Variants in LEF1 observed in about 807,000 individuals in gnomAD.
LEF1 encodes lymphoid enhancer binding factor 1, also known as lymphoid enhancer-binding factor 1.
LEF1 carries 14 observed loss-of-function variants against 51.2 expected under a neutral mutation model. That is an observed-to-expected ratio of 0.27 (90% CI 0.18 to 0.43). The LOEUF is 0.43. LEF1 is among the 20% of genes least tolerant of loss of function. The pLI is 1.00. For missense variants in LEF1, 386 were observed against 512.0 expected (o/e 0.75, Z 2.37); for synonymous variants, 185 against 183.2 (o/e 1.01, Z -0.08).
In LEF1 at chr4:108,048,715, T is replaced by C. The variant is rs1736780830; in HGVS notation, c.*43A>G. The C allele has an allele frequency of 6.2e-7, 1 of 1,610,094 alleles. No individual in the cohort carries two copies. Among genetic ancestry groups the C allele is most frequent in the Non-Finnish European group, 8.5e-7 (1 of 1,177,956 alleles). On this transcript the variant is annotated 3_prime_UTR_variant, in exon 12 of 12. Coordinates refer to ENST00000265165, the MANE Select transcript of LEF1 (RefSeq NM_016269.5). ...CAGAAGAGGTCCTGGGGTCGCTGCCTTGGCTTTGCACGTTGGGAATGAGCT... is the reference window on the plus strand; with the variant it reads ...CAGAAGAGGTCCTGGGGTCGCTGCCCTGGCTTTGCACGTTGGGAATGAGCT...
intron 3 of LEF1, among the ~76,000 whole-genome samples, chr4:108,157,175 TATATACACACACAC>T (rs1474139153): frequency 3.5e-5 from 2 of 57,468 alleles, no homozygotes; most frequent in African/African-American, 5.5e-5. Context: ...TCTCTATATA[TATATACACACACAC>T]ACACACACAC....
chr4:108,104,332 T>C (rs550039709), intron 3 of LEF1, among the ~76,000 whole-genome samples: 2 of 151,524 alleles, frequency 1.3e-5, no homozygotes, highest in South Asian at 2.1e-4. Context: ...GTGATAGTTG[T>C]ACAACATAGT....
chr4:108,082,492 T>C (rs1739374108), intron 5 of LEF1, among the ~76,000 whole-genome samples: 1 of 152,068 alleles, frequency 6.6e-6, no homozygotes, highest in Non-Finnish European at 1.5e-5. Flanking sequence ...AGAAGGATAA[T>C]GCAAGGATGT....
rs191100995 is a variant in LEF1, at chr4:108,113,063, C to T, written c.415-23806G>A. On this transcript the variant is annotated intron_variant, in intron 3 of 11. Transcript: ENST00000265165. Reference sequence around the variant, plus strand: ...CATCTCTGAGCTGTGGAATGCTATCCGAGGTGAGATGTTCTTATAGTGAAA... The same window carrying T: ...CATCTCTGAGCTGTGGAATGCTATCTGAGGTGAGATGTTCTTATAGTGAAA... 2.5e-4 allele frequency among the ~76,000 whole-genome samples: 38 copies of T among 152,236 alleles called. No homozygotes were observed. In the East Asian group the frequency reaches 6.2e-3, roughly 25 times the overall value.
intron 3 of LEF1, among the ~76,000 whole-genome samples, chr4:108,126,854 C>G: frequency 7.9e-6 from 1 of 126,048 alleles, no homozygotes; most frequent in Non-Finnish European, 1.7e-5. Context: ...TTCATTTACT[C>G]TATTATTTAC....
At chr4:108,132,205 T>C (rs1186312402) in intron 3 of LEF1, among the ~76,000 whole-genome samples, 1 of 152,212 alleles carries the variant, frequency 6.6e-6, no homozygotes, top group South Asian at 2.1e-4. Context: ...CTTGTTAGTA[T>C]TGTATTCCCA....
chr4:108,166,311 T>C lies in LEF1; in HGVS notation c.214-1148A>G, dbSNP rs1190304319. 5 of 1,532,480 alleles carry C rather than the reference T, an allele frequency of 3.3e-6. No homozygotes were observed. The African/African-American group carries it at 6.9e-5, about 21-fold the overall frequency. 94.9% of individuals were successfully genotyped at this position (1,532,480 alleles called of 1,614,324 possible). On this transcript the variant is annotated intron_variant, in intron 1 of 11. Coordinates refer to ENST00000265165, the MANE Select transcript of LEF1 (RefSeq NM_016269.5). ...TAGAGAAGGCAGATCTGAGGTGTTC[T>C]TAAACGCGCTGTTTAAAACCCAAAA... is the stretch of plus-strand genomic sequence containing the variant.
chr4:108,148,542 T>A (rs1463342612), intron 3 of LEF1, among the ~76,000 whole-genome samples: 1 of 152,230 alleles, frequency 6.6e-6, no homozygotes, highest in Non-Finnish European at 1.5e-5. Flanking sequence ...TGCCTCACTC[T>A]GCTCAGCTGT....
At chr4:108,051,412 A>T (rs973430472) in intron 11 of LEF1, among the ~76,000 whole-genome samples, 1 of 152,198 alleles carries the variant, frequency 6.6e-6, no homozygotes, top group Non-Finnish European at 1.5e-5. Context: ...TACAGATATA[A>T]AACAGGTCCA....
In LEF1 at chr4:108,167,851, G is replaced by A. The variant is rs1745515556; in HGVS notation, c.-84C>T. On this transcript the variant is annotated 5_prime_UTR_variant, in exon 1 of 12. Coordinates refer to ENST00000265165, the MANE Select transcript of LEF1 (RefSeq NM_016269.5). The surrounding 1 kb of genome is among the most constrained non-coding windows in gnomAD (Gnocchi z 5.7). ...ACAGAGGGGTAACTCAAGGGTGGGG[G>A]AGGAAAGGAGAGTTGGAAGGGTTCG... The A allele has an allele frequency of 6.6e-6, 8 of 1,217,968 alleles. No homozygotes were observed. The South Asian group carries it at 9.3e-5, about 14-fold the overall frequency. The allele number at this position is 1,217,968 out of a possible 1,614,324, so 75.4% of individuals were successfully genotyped here.
At chr4:108,128,406 T>TA (rs757717343) in intron 3 of LEF1, among the ~76,000 whole-genome samples, 37 of 151,814 alleles carry the variant, frequency 2.4e-4, no homozygotes, top group Admixed American at 1.4e-3. Flanking sequence ...TATTTATCAT[T>TA]AAAAAAACTT....
intron 11 of LEF1, among the ~76,000 whole-genome samples, chr4:108,055,105 T>C (rs1737234464): frequency 6.6e-6 from 1 of 152,198 alleles, no homozygotes; most frequent in African/African-American, 2.4e-5. Context: ...AAATAGCACA[T>C]TTTAGCCTTT....
chr4:108,070,573 A>T (rs1204048236), intron 9 of LEF1, 90 bp downstream of exon 9: 1 of 794,766 alleles, frequency 1.3e-6, no homozygotes, highest in Non-Finnish European at 2.1e-6. Context: ...TAGTACCAGC[A>T]TTATATACAC....
Position 108,070,711 on chromosome 4 carries a change from T to C in LEF1, c.1068A>G (p.Arg356=), listed in dbSNP as rs766916120. The C allele has an allele frequency of 6.2e-6, 10 of 1,614,136 alleles. No individual in the cohort carries two copies. Among genetic ancestry groups the C allele is most frequent in the Admixed American group, 1.7e-5 (1 of 60,028 alleles). Reference sequence around the variant, plus strand: ...CTGGATAAAGCTGCATATGTAGCTGTCTTTCTTTCCGTGCTAATTCATAAT... The same window carrying C: ...CTGGATAAAGCTGCATATGTAGCTGCCTTTCTTTCCGTGCTAATTCATAAT... ...AKYYELARKE[R]QLHMQLYPGW... Residue 356 remains arginine (R), a synonymous_variant, in exon 9 of 12, where the codon AGA becomes AGG. Coordinates refer to ENST00000265165, the MANE Select transcript of LEF1 (RefSeq NM_016269.5).
At chr4:108,131,832 G>A (rs1742918355) in intron 3 of LEF1, among the ~76,000 whole-genome samples, 1 of 152,136 alleles carries the variant, frequency 6.6e-6, no homozygotes, top group Non-Finnish European at 1.5e-5. Context: ...AAACTAAGGT[G>A]CGTTGTATAG....
chr4:108,158,005 T>A (rs1239680619), intron 3 of LEF1, among the ~76,000 whole-genome samples: 1 of 152,082 alleles, frequency 6.6e-6, no homozygotes, highest in Non-Finnish European at 1.5e-5. Context: ...TCTGCTCAAC[T>A]CCCCGCTCTT....
intron 3 of LEF1, among the ~76,000 whole-genome samples, chr4:108,089,823 T>C (rs1359875533): frequency 6.6e-6 from 1 of 152,220 alleles, no homozygotes; most frequent in Non-Finnish European, 1.5e-5. Flanking sequence ...TTAAGAACCA[T>C]GGTACACCAT....
chr4:108,152,424 C>T (rs969143020), intron 3 of LEF1, among the ~76,000 whole-genome samples: 5 of 152,230 alleles, frequency 3.3e-5, no homozygotes, highest in African/African-American at 1.2e-4. Context: ...TTTAATCCCA[C>T]AGCCAGTGGG....
intron 3 of LEF1, among the ~76,000 whole-genome samples, chr4:108,103,966 C>T (rs1214901204): frequency 2.0e-5 from 3 of 152,152 alleles, no homozygotes; most frequent in East Asian, 3.8e-4. Context: ...TACACATATA[C>T]AAATGTTAAC....
Sources: gnomAD v4.1 joint callset for allele counts (sites outside exome capture counted in the v4.1 genomes callset) on GRCh38, gnomAD v4.1.1 for gene constraint, Gnocchi (gnomAD v3.1) non-coding constraint, MANE v1.5 for transcripts, NCBI Gene and HGNC (gene_info 2026-07-23, HGNC 2026-07-21) for gene names.